Variants in EFCAB6 observed in about 807,000 individuals in gnomAD.
EFCAB6 encodes EF-hand calcium binding domain 6.
EFCAB6 carries 156 observed loss-of-function variants against 169.8 expected under a neutral mutation model. The observed-to-expected ratio is 0.92, with a 90% CI of 0.81 to 1.05. The LOEUF is 1.05. Ranked by LOEUF, EFCAB6 falls within the 50% of genes least tolerant of loss-of-function variation. EFCAB6 has a pLI of 0.00. For synonymous variants in EFCAB6, 698 were observed against 676.4 expected, an observed-to-expected ratio of 1.03 and a Z score of -0.50; for missense variants, 1,800 against 1,829.1, an observed-to-expected ratio of 0.98 and a Z score of 0.29.
chr22:43,730,591 C>G (rs1383808367), intron 8 of EFCAB6, among the ~76,000 whole-genome samples: 1 of 152,042 alleles, frequency 6.6e-6, no homozygotes, highest in African/African-American at 2.4e-5. Flanking sequence ...CCCATTTTTA[C>G]AAATGTATTT....
intron 5 of EFCAB6, among the ~76,000 whole-genome samples, chr22:43,762,227 T>C (rs1441721438): frequency 2.0e-5 from 3 of 152,238 alleles, no homozygotes; most frequent in Non-Finnish European, 4.4e-5. Flanking sequence ...GTGTACCCTT[T>C]TGTGATGAAG....
intron 5 of EFCAB6, among the ~76,000 whole-genome samples, chr22:43,762,278 T>G (rs1353904130): frequency 1.3e-5 from 2 of 152,198 alleles, no homozygotes; most frequent in Non-Finnish European, 2.9e-5. Context: ...GTCCCAACTT[T>G]GTAGGCGATG....
At chr22:43,634,001 G>T (rs2055185661) in intron 18 of EFCAB6, among the ~76,000 whole-genome samples, 1 of 152,148 alleles carries the variant, frequency 6.6e-6, no homozygotes, top group Non-Finnish European at 1.5e-5. Flanking sequence ...GAGGAGACGG[G>T]CAGGGAGAGG....
intron 21 of EFCAB6, 35 bp from the exon 22 acceptor site, chr22:43,608,635 G>T (rs756910194): frequency 4.4e-6 from 7 of 1,593,232 alleles, no homozygotes; most frequent in Non-Finnish European, 5.2e-6. Context: ...AGGAACATGT[G>T]AAATGTGCGT....
chr22:43,538,105 T>C (rs983287634), intron 28 of EFCAB6, among the ~76,000 whole-genome samples: 1 of 152,378 alleles, frequency 6.6e-6, no homozygotes, highest in Admixed American at 6.5e-5. Flanking sequence ...TAGTAACTTA[T>C]GCAATTCCAT....
At chr22:43,626,252 G>A (rs187866710) in intron 20 of EFCAB6, among the ~76,000 whole-genome samples, 195 bp downstream of exon 20, 18 of 152,288 alleles carry the variant, frequency 1.2e-4, no homozygotes, top group Non-Finnish European at 2.1e-4. Flanking sequence ...CTCACAGGTG[G>A]TAAGACCAGG....
intron 26 of EFCAB6, among the ~76,000 whole-genome samples, chr22:43,560,417 T>C: frequency 6.6e-6 from 1 of 152,336 alleles, no homozygotes; most frequent in East Asian, 1.9e-4. Flanking sequence ...ACTCTGGCAG[T>C]GAGTGGGAAC....
intron 10 of EFCAB6, among the ~76,000 whole-genome samples, chr22:43,692,254 A>G (rs2147193042): frequency 6.6e-6 from 1 of 152,336 alleles, no homozygotes; most frequent in South Asian, 2.1e-4. Flanking sequence ...ATAACTGACT[A>G]CTAAAATAAC....
intron 17 of EFCAB6, among the ~76,000 whole-genome samples, chr22:43,642,218 G>A (rs2055852639): frequency 6.6e-6 from 1 of 152,204 alleles, no homozygotes; most frequent in Admixed American, 6.5e-5. Context: ...TGGGATTACA[G>A]GCATGAGCCA....
At chr22:43,591,123 T>C (rs9614443) in intron 23 of EFCAB6, among the ~76,000 whole-genome samples, 28 of 123,360 alleles carry the variant, frequency 2.3e-4, no homozygotes, top group African/African-American at 8.7e-4. Flanking sequence ...TTTTTTTTTT[T>C]GTTTTTTTTT....
At chr22:43,621,025 T>C (rs2054079352) in intron 20 of EFCAB6, among the ~76,000 whole-genome samples, 1 of 152,126 alleles carries the variant, frequency 6.6e-6, no homozygotes, top group South Asian at 2.1e-4. Context: ...ACACAAGATA[T>C]GTTCTCTGAC....
rs188495014 is a variant in EFCAB6 at position 43,676,285 on chromosome 22, T to C, written c.1419+1711A>G. Among the ~76,000 whole-genome samples the C allele has an allele frequency of 6.8e-3, 1,028 of 151,548 alleles. 5 individuals are homozygous for C. Among genetic ancestry groups the C allele is most frequent in the Middle Eastern group, 0.031 (9 of 290 alleles). The stretch of plus-strand genomic sequence containing the variant: ...ACAAAAAATTAGCCGGGTGTGGTGG[T>C]AGGCGCCTATAGTCCCAGCTACTTG... On this transcript the variant is annotated intron_variant, in intron 13 of 31. Transcript: ENST00000262726.
intron 17 of EFCAB6, among the ~76,000 whole-genome samples, chr22:43,637,578 G>C (rs968578035): frequency 1.6e-4 from 25 of 152,350 alleles, no homozygotes; most frequent in African/African-American, 5.3e-4. Context: ...TGAGAAAAAA[G>C]GGAAGGGATG....
chr22:43,531,101 G>A (rs926706076), intron 30 of EFCAB6, 137 bp from the exon 31 acceptor site: 2 of 1,174,462 alleles, frequency 1.7e-6, no homozygotes, highest in Non-Finnish European at 2.4e-6. Flanking sequence ...GCTCTGAATC[G>A]AGGAGGGAGC....
intron 21 of EFCAB6, among the ~76,000 whole-genome samples, chr22:43,614,065 A>T (rs1375516780): frequency 6.6e-6 from 1 of 151,830 alleles, no homozygotes; most frequent in Non-Finnish European, 1.5e-5. Context: ...AAGGCTCAAT[A>T]GCATCAAATA....
At chr22:43,791,590 G>A (rs2062291152) in intron 2 of EFCAB6, among the ~76,000 whole-genome samples, 1 of 152,042 alleles carries the variant, frequency 6.6e-6, no homozygotes, top group Admixed American at 6.6e-5. Context: ...AGAAGAATAA[G>A]TTCTAAGGAG....
chr22:43,558,618 A>C (rs1331831626), intron 26 of EFCAB6, among the ~76,000 whole-genome samples: 1 of 152,186 alleles, frequency 6.6e-6, no homozygotes, highest in Non-Finnish European at 1.5e-5. Context: ...TATTTTAAGG[A>C]ATTGGCAGTG....
intron 30 of EFCAB6, among the ~76,000 whole-genome samples, chr22:43,531,752 A>G (rs565926236): frequency 6.6e-6 from 1 of 152,078 alleles, no homozygotes; most frequent in Non-Finnish European, 1.5e-5. Flanking sequence ...CAATTTGCCC[A>G]ATCAGCTGAT....
At chr22:43,531,645 A>C (rs1285321061) in intron 30 of EFCAB6, among the ~76,000 whole-genome samples, 2 of 152,204 alleles carry the variant, frequency 1.3e-5, no homozygotes, top group Non-Finnish European at 2.9e-5. Flanking sequence ...ACTATGTAAG[A>C]CAGATGAGCA....
Sources: gnomAD v4.1 joint callset for allele counts (sites outside exome capture counted in the v4.1 genomes callset) on GRCh38, gnomAD v4.1.1 for gene constraint, MANE v1.5 for transcripts, NCBI Gene and HGNC (gene_info 2026-07-23, HGNC 2026-07-21) for gene names.